The following CYFIP1 variants were observed in gnomAD, a reference collection of about 807,000 sequenced individuals.
CYFIP1 encodes cytoplasmic FMR1-interacting protein 1.
A neutral mutation model predicts 163.5 loss-of-function variants in CYFIP1; 58 were observed. That is an observed-to-expected ratio of 0.35 (90% CI 0.29 to 0.44). The LOEUF (loss-of-function observed/expected upper bound fraction) is 0.44. Ranked by LOEUF, CYFIP1 falls within the 20% of genes least tolerant of loss-of-function variation. CYFIP1 has a pLI of 1.00. For missense variants in CYFIP1, 1,338 were observed against 1,653.8 expected (o/e 0.81, Z 3.31); for synonymous variants, 663 against 660.7 (o/e 1.00, Z -0.05).
At chr15:22,894,427 T>C (rs890666691) in intron 22 of CYFIP1, among the ~76,000 whole-genome samples, 1 of 151,450 alleles carries the variant, frequency 6.6e-6, no homozygotes, top group Non-Finnish European at 1.5e-5. Flanking sequence ...GTAGCTGGGA[T>C]TACAGGCATG....
chr15:22,871,440 G>A (rs958861962), intron 30 of CYFIP1, among the ~76,000 whole-genome samples: 8 of 152,190 alleles, frequency 5.3e-5, no homozygotes, highest in African/African-American at 1.9e-4. Flanking sequence ...TAGAGCTGAA[G>A]TAAACAAGTT....
intron 18 of CYFIP1, among the ~76,000 whole-genome samples, chr15:22,911,410 G>C (rs1436871180): frequency 6.6e-6 from 1 of 152,196 alleles, no homozygotes; most frequent in South Asian, 2.1e-4. Flanking sequence ...TTGCAGGTGG[G>C]TTCCTGCCCT....
At chr15:22,937,574 CG>C (rs1420182171) in intron 8 of CYFIP1, among the ~76,000 whole-genome samples, 1 of 150,694 alleles carries the variant, frequency 6.6e-6, no homozygotes, top group Admixed American at 6.7e-5. Context: ...AGTTAAGTTT[CG>C]GTGTATGCAA....
rs777850597 is a variant in CYFIP1, at chr15:22,947,180, G to C, written c.106C>G (p.Leu36Val). ...QPCIEPPPSS[L>V]LYQPNFNTNF... ...TGCTGGGCACCCACCTGGTAGAGCA[G>C]CGAGGATGGCGGGGGCTCGATGCAG... The change falls in exon 2 of 31, where the codon CTG becomes GTG. Residue 36 changes from leucine (L) to valine (V), a missense_variant. Physicochemically the swap from Leu to Val is conservative, Grantham distance 32. This residue lies in a region of CYFIP1 where 186 missense variants were observed against 288.3 expected (regional missense o/e 0.65). Coordinates refer to ENST00000617928, the MANE Select transcript of CYFIP1 (RefSeq NM_014608.6). The C allele has an allele frequency of 6.2e-7, 1 of 1,614,108 alleles. No homozygotes were observed.
chr15:22,932,383 G>T, intron 10 of CYFIP1, 43 bp from the exon 11 acceptor site: 1 of 1,422,356 alleles, frequency 7.0e-7, no homozygotes, highest in Non-Finnish European at 9.5e-7. Context: ...GGAGGCGCCG[G>T]CAGGCCACAG....
chr15:22,879,892 C>A, intron 26 of CYFIP1, 21 bp downstream of exon 26: 2 of 1,597,344 alleles, frequency 1.3e-6, no homozygotes, highest in Non-Finnish European at 8.5e-7. Flanking sequence ...CGGGGAGGGG[C>A]GGCGTTGGGG....
intron 1 of CYFIP1, among the ~76,000 whole-genome samples, chr15:22,976,088 G>A (rs1307281313): frequency 6.6e-6 from 1 of 151,860 alleles, no homozygotes; most frequent in Admixed American, 6.6e-5. Flanking sequence ...GATCCTGTAA[G>A]TCTTATTCAA....
At chr15:22,965,082 TAATA>T (rs1166868446) in intron 1 of CYFIP1, among the ~76,000 whole-genome samples, 7 of 151,086 alleles carry the variant, frequency 4.6e-5, no homozygotes, top group Non-Finnish European at 1.0e-4. Flanking sequence ...ACACATATAT[TAATA>T]AACATATCAA....
intron 1 of CYFIP1, among the ~76,000 whole-genome samples, chr15:22,950,552 C>T (rs1438976472): frequency 2.0e-5 from 3 of 152,224 alleles, no homozygotes; most frequent in African/African-American, 7.2e-5. Flanking sequence ...GTTTCACTTT[C>T]CACGATTTCA....
chr15:22,944,343 C>A (rs1328087947), intron 5 of CYFIP1, among the ~76,000 whole-genome samples: 1 of 151,780 alleles, frequency 6.6e-6, no homozygotes, highest in Non-Finnish European at 1.5e-5. Flanking sequence ...AAATCACTCT[C>A]AGAGAAGAGA....
intron 1 of CYFIP1, among the ~76,000 whole-genome samples, chr15:22,978,655 T>C (rs2063364505): frequency 6.6e-6 from 1 of 152,192 alleles, no homozygotes; most frequent in Admixed American, 6.6e-5. Context: ...ACTATAGTTT[T>C]GTAATTTTTC....
chr15:22,881,044 T>C (rs1188536419), intron 25 of CYFIP1, among the ~76,000 whole-genome samples: 1 of 152,200 alleles, frequency 6.6e-6, no homozygotes, highest in Non-Finnish European at 1.5e-5. Context: ...AGGGCCGTGC[T>C]GATGGCTACT....
rs1303856791 is a variant in CYFIP1, at chr15:22,917,122, G to A, written c.1675-492C>T. 22 of 1,446,792 alleles carry A rather than the reference G, an allele frequency of 1.5e-5. No homozygotes were observed. Among genetic ancestry groups the A allele is most frequent in the Admixed American group, 2.7e-5 (1 of 36,576 alleles). The allele number at this position is 1,446,792 out of a possible 1,614,324, so 89.6% of individuals were successfully genotyped here. On this transcript the variant is annotated intron_variant, in intron 15 of 30. Coordinates refer to ENST00000617928, the MANE Select transcript of CYFIP1 (RefSeq NM_014608.6). The surrounding 1 kb of genome is among the most constrained non-coding windows in gnomAD (Gnocchi z 4.2). ...GCAGGGACACGGGACGCACGCAGAG[G>A]GAGGCAGGGAGGGTGGCTGGCACCA... is the stretch of plus-strand genomic sequence containing the variant.
chr15:22,900,503 A>G lies in CYFIP1; in HGVS notation c.2588+3203T>C, dbSNP rs147080565. Among the ~76,000 whole-genome samples the G allele has an allele frequency of 6.4e-3, 951 of 148,966 alleles. 11 individuals are homozygous for G. Among genetic ancestry groups the G allele is most frequent in the African/African-American group, 0.022 (894 of 40,274 alleles). On this transcript the variant is annotated intron_variant, in intron 22 of 30. Transcript: ENST00000617928. ...AACCTCCGCTGCCCGGGTTCACGCC[A>G]TTCTCCTGCCTCAGCCTCCCAAGTA...
chr15:22,930,340 T>C (rs1480227845), intron 11 of CYFIP1, among the ~76,000 whole-genome samples: 2 of 140,318 alleles, frequency 1.4e-5, no homozygotes, highest in Non-Finnish European at 3.0e-5. Flanking sequence ...GAGCCGAGAT[T>C]GCACCACTGC....
At chr15:22,900,194 AG>A (rs2060351071) in intron 22 of CYFIP1, among the ~76,000 whole-genome samples, 1 of 152,094 alleles carries the variant, frequency 6.6e-6, no homozygotes, top group African/African-American at 2.4e-5. Context: ...TTGCGAGAAG[AG>A]AAGAGACAGA....
At chr15:22,966,888 T>A (rs1213475388) in intron 1 of CYFIP1, among the ~76,000 whole-genome samples, 14 of 152,122 alleles carry the variant, frequency 9.2e-5, no homozygotes, top group East Asian at 1.9e-4. Context: ...GTGCACACAC[T>A]GTATGAGACA....
intron 22 of CYFIP1, among the ~76,000 whole-genome samples, chr15:22,903,161 C>G (rs141075239): frequency 1.5e-3 from 226 of 152,248 alleles, no homozygotes; most frequent in African/African-American, 5.2e-3. Context: ...GTGGGTGACA[C>G]AGACATGTCC....
intron 1 of CYFIP1, among the ~76,000 whole-genome samples, chr15:22,959,971 G>C (rs1157436388): frequency 6.6e-6 from 1 of 152,178 alleles, no homozygotes; most frequent in Non-Finnish European, 1.5e-5. Context: ...CACGTGGCTG[G>C]CCTGGATGTG....
Sources: allele counts gnomAD v4.1 joint callset (sites outside exome capture counted in the v4.1 genomes callset), GRCh38; gene constraint gnomAD v4.1.1; regional missense constraint gnomAD v4.1.1; non-coding constraint Gnocchi (gnomAD v3.1); transcripts MANE v1.5; gene names NCBI Gene and HGNC (gene_info 2026-07-23, HGNC 2026-07-21).